EXOSC6: variants seen among roughly 807,000 people sequenced by gnomAD.
EXOSC6 encodes the protein exosome component 6.
Under a neutral mutation model 16.7 loss-of-function variants are expected in EXOSC6, and 21 were observed. The ratio of observed to expected loss-of-function variants is 1.26; its 90% CI spans 0.89 to 1.82. EXOSC6 has a LOEUF of 1.82. Among genes scored for constraint, EXOSC6 ranks in the 40% most tolerant of loss-of-function variants. The pLI, the probability that EXOSC6 is intolerant of heterozygous loss-of-function variation, is 0.00. For synonymous variants in EXOSC6, 297 were observed against 217.1 expected (o/e 1.37, Z -3.24); for missense variants, 538 against 415.7 (o/e 1.29, Z -2.56).
Position 70,251,281 on chromosome 16 carries a change from G to A in EXOSC6, c.620C>T (p.Ala207Val). The A allele has an allele frequency of 6.9e-7, 1 of 1,440,560 alleles. No homozygotes were observed. Among genetic ancestry groups the A allele is most frequent in the African/African-American group, 1.5e-5 (1 of 67,278 alleles). 89.2% of individuals were successfully genotyped at this position (1,440,560 alleles called of 1,614,324 possible). A position where few individuals can be genotyped will look rare whatever the true frequency, so the allele number is the denominator to read the frequency against. ...GAGCGCCACGGTGAGGCCGGCGGCG[G>A]CGCGCTCTTCCTCGAGCCGCGTGGG... ...LDPTRLEEER[A>V]AAGLTVALMP... Residue 207 changes from alanine to valine, a missense_variant, in exon 1 of 1, where the codon GCC (alanine) becomes GTC (valine). Transcript: ENST00000435634.
rs1384375235 is a variant in EXOSC6, at chr16:70,251,579, G to C, written c.322C>G (p.Arg108Gly). ...CDFRRAPFAGRRRRAPPGGCE... is the reference protein window; with the variant it reads ...CDFRRAPFAGGRRRAPPGGCE... ...CCGCCCGGGGGAGCGCGGCGCCGGC[G>C]GCCCGCGAAGGGTGCGCGGCGGAAG... Residue 108 changes from arginine to glycine, a missense_variant, in exon 1 of 1, where the codon CGC becomes GGC. By Grantham distance (125) the Arg-to-Gly change is moderately radical (BLOSUM62 -2). Coordinates refer to ENST00000435634, the MANE Select transcript of EXOSC6 (RefSeq NM_058219.3). 4 of 1,094,152 alleles carry C rather than the reference G, an allele frequency of 3.7e-6. No individual in the cohort carries two copies. Among genetic ancestry groups the C allele is most frequent in the Non-Finnish European group, 4.4e-6 (4 of 903,012 alleles). 67.8% of individuals were successfully genotyped at this position (1,094,152 alleles called of 1,614,324 possible). A position where few individuals can be genotyped will look rare whatever the true frequency, so the allele number is the denominator to read the frequency against.
Position 70,251,879 on chromosome 16 carries a change from T to A in EXOSC6, c.22A>T (p.Ile8Phe), listed in dbSNP as rs562015262. Residue 8 changes from isoleucine to phenylalanine, a missense_variant, in exon 1 of 1, where the codon ATC becomes TTC. By Grantham distance (21) the Ile-to-Phe change is conservative. Coordinates refer to ENST00000435634, the MANE Select transcript of EXOSC6 (RefSeq NM_058219.3). Reference sequence around the variant, plus strand: ...GGCTGCGATTCTTCAGGGCCGCGGATGCGGCGGTGATCCCCAGGCATGGCG... The same window carrying A: ...GGCTGCGATTCTTCAGGGCCGCGGAAGCGGCGGTGATCCCCAGGCATGGCG... Reference protein sequence around the residue: MPGDHRRIRGPEESQPPQ... With the variant: MPGDHRRFRGPEESQPPQ... 3 of 1,547,138 alleles carry A rather than the reference T, an allele frequency of 1.9e-6. No homozygotes were observed. The highest frequency in any genetic ancestry group is 2.3e-5 in the South Asian group (2 of 86,358).
rs983725653 is a variant in EXOSC6, at chr16:70,248,581, C to T, written c.*2501G>A. ...CTTCCCTCAAATTTTTCTCAAACCT[C>T]TATAATCAAGGGGAAAAATGTTTTG... On this transcript the variant is annotated 3_prime_UTR_variant, in exon 1 of 1. Coordinates refer to ENST00000435634, the MANE Select transcript of EXOSC6 (RefSeq NM_058219.3). 4 of 151,936 alleles carry T rather than the reference C, an allele frequency of 2.6e-5. No individual in the cohort carries two copies. Among genetic ancestry groups the T allele is most frequent in the African/African-American group, 4.8e-5 (2 of 41,342 alleles). 9.4% of individuals were successfully genotyped at this position (151,936 alleles called of 1,614,324 possible). A position where few individuals can be genotyped will look rare whatever the true frequency, so the allele number is the denominator to read the frequency against.
In EXOSC6 at chr16:70,250,877, C is replaced by G. The variant is rs1429914113; in HGVS notation, c.*205G>C. The G allele has an allele frequency of 7.6e-6, 4 of 523,012 alleles. No homozygotes were observed. The highest frequency in any genetic ancestry group is 2.0e-5 in the African/African-American group (1 of 50,244). 32.4% of individuals were successfully genotyped at this position (523,012 alleles called of 1,614,324 possible). The stretch of plus-strand genomic sequence containing the variant: ...TCCACCACAAGCGCAGCTCCAGGGG[C>G]TGTTGAGTTTTGCCTTTATCATTCC... On this transcript the variant is annotated 3_prime_UTR_variant, in exon 1 of 1. Coordinates refer to ENST00000435634, the MANE Select transcript of EXOSC6 (RefSeq NM_058219.3).
chr16:70,246,901 G>A lies in EXOSC6; in HGVS notation c.*4181C>T. 1 of 575,244 alleles carries A rather than the reference G, an allele frequency of 1.7e-6. No homozygotes were observed. The highest frequency in any genetic ancestry group is 3.3e-6 in the Non-Finnish European group (1 of 306,914). 35.6% of individuals were successfully genotyped at this position (575,244 alleles called of 1,614,324 possible). A position where few individuals can be genotyped will look rare whatever the true frequency, so the allele number is the denominator to read the frequency against. ...ACTGATTATACTCAAAGGAGCAGAG[G>A]CATTGTTTTCCATCTGATTCCTCAG... is the stretch of plus-strand genomic sequence containing the variant. On this transcript the variant is annotated 3_prime_UTR_variant, in exon 1 of 1. Coordinates refer to ENST00000435634, the MANE Select transcript of EXOSC6 (RefSeq NM_058219.3).
Position 70,251,412 on chromosome 16 carries a change from G to C in EXOSC6, c.489C>G (p.Thr163=), listed in dbSNP as rs969412851. ...DGGSALAAAL[T]AAALALADAG... ...CGTCGGCCAGGGCGAGCGCGGCGGC[G>C]GTGAGCGCGGCGGCCAGGGCCGAGC... The change falls in exon 1 of 1, where the codon ACC becomes ACG. Residue 163 remains threonine, a synonymous_variant. Transcript: ENST00000435634. The C allele has an allele frequency of 3.0e-6, 4 of 1,338,670 alleles. No homozygotes were observed. The highest frequency in any genetic ancestry group is 1.9e-5 in the South Asian group (1 of 51,568). 82.9% of individuals were successfully genotyped at this position (1,338,670 alleles called of 1,614,324 possible).
rs993431238 is a variant in EXOSC6, at chr16:70,250,145, G to C, written c.*937C>G. ...TAAAAATAATAATAATAATAATAAT[G>C]GTTTTATATATATGCATACACAAGC... is the stretch of plus-strand genomic sequence containing the variant. On this transcript the variant is annotated 3_prime_UTR_variant, in exon 1 of 1. Transcript: ENST00000435634. 8 of 149,458 alleles carry C rather than the reference G, an allele frequency of 5.4e-5. No individual in the cohort carries two copies. The highest frequency in any genetic ancestry group is 7.5e-5 in the Non-Finnish European group (5 of 67,006). The allele number at this position is 149,458 out of a possible 1,614,324, so 9.3% of individuals were successfully genotyped here.
At position 70,248,479 on chromosome 16, in the gene EXOSC6, GA is replaced by G. The variant is rs1959736617; in HGVS notation, c.*2602del. ...ATGTGAGAATTTTCACAAGAGCTGG[GA>G]AAATGTTCATAATTATGCATGCAGA... On this transcript the variant is annotated 3_prime_UTR_variant, in exon 1 of 1. Coordinates refer to ENST00000435634, the MANE Select transcript of EXOSC6 (RefSeq NM_058219.3). 6.6e-6 allele frequency: 1 copy of G among 152,108 alleles called. No homozygotes were observed. The highest frequency in any genetic ancestry group is 2.4e-5 in the African/African-American group (1 of 41,398). The allele number at this position is 152,108 out of a possible 1,614,324, so 9.4% of individuals were successfully genotyped here. A position where few individuals can be genotyped will look rare whatever the true frequency, so the allele number is the denominator to read the frequency against.
Position 70,250,981 on chromosome 16 carries a change from A to G in EXOSC6, c.*101T>C, listed in dbSNP as rs1959800667. On this transcript the variant is annotated 3_prime_UTR_variant, in exon 1 of 1. Coordinates refer to ENST00000435634, the MANE Select transcript of EXOSC6 (RefSeq NM_058219.3). ...ACCACAGTCATATCAGGGCCCTTCC[A>G]GGAATTCTCGACGCAAACTGGAGGC... 13 of 1,385,616 alleles carry G rather than the reference A, an allele frequency of 9.4e-6. No homozygotes were observed. In the South Asian group the frequency reaches 1.5e-4, roughly 16 times the overall value. The allele number at this position is 1,385,616 out of a possible 1,614,324, so 85.8% of individuals were successfully genotyped here. A position where few individuals can be genotyped will look rare whatever the true frequency, so the allele number is the denominator to read the frequency against.
At position 70,251,339 on chromosome 16, in the gene EXOSC6, C is replaced by T. The variant is rs531713550; in HGVS notation, c.562G>A (p.Ala188Thr). Residue 188 changes from alanine to threonine, a missense_variant, in exon 1 of 1, where the codon GCG becomes ACG. Ala to Thr is a moderately conservative substitution (Grantham distance 58). Coordinates refer to ENST00000435634, the MANE Select transcript of EXOSC6 (RefSeq NM_058219.3). ...DLVVGCGLSL[A>T]PGPAPTWLLD... ...AGCCAGGTGGGCGCGGGCCCCGGCG[C>T]GAGGCTGAGGCCGCAGCCCACCACC... 4.4e-5 allele frequency: 61 copies of T among 1,379,674 alleles called. No homozygotes were observed. The African/African-American group carries it at 8.7e-4, about 20-fold the overall frequency. 85.5% of individuals were successfully genotyped at this position (1,379,674 alleles called of 1,614,324 possible).
Position 70,248,572 on chromosome 16 carries a change from C to G in EXOSC6, c.*2510G>C, listed in dbSNP as rs1219947303. ...TTTCTGAATCTTCCCTCAAATTTTT[C>G]TCAAACCTCTATAATCAAGGGGAAA... On this transcript the variant is annotated 3_prime_UTR_variant, in exon 1 of 1. Coordinates refer to ENST00000435634, the MANE Select transcript of EXOSC6 (RefSeq NM_058219.3). 2.6e-5 allele frequency: 4 copies of G among 152,012 alleles called. No homozygotes were observed. The highest frequency in any genetic ancestry group is 2.0e-4 in the Admixed American group (3 of 15,260). 9.4% of individuals were successfully genotyped at this position (152,012 alleles called of 1,614,324 possible). A position where few individuals can be genotyped will look rare whatever the true frequency, so the allele number is the denominator to read the frequency against.
rs1317096478 is a variant in EXOSC6, at chr16:70,246,830, C to T, written c.*4252G>A. 15 of 570,022 alleles carry T rather than the reference C, an allele frequency of 2.6e-5. No individual in the cohort carries two copies. Among genetic ancestry groups the T allele is most frequent in the Admixed American group, 9.7e-5 (3 of 30,814 alleles). 35.3% of individuals were successfully genotyped at this position (570,022 alleles called of 1,614,324 possible). A position where few individuals can be genotyped will look rare whatever the true frequency, so the allele number is the denominator to read the frequency against. On this transcript the variant is annotated 3_prime_UTR_variant, in exon 1 of 1. Transcript: ENST00000435634. ...TTCTTCAAATATTTTAAGGTACGAA[C>T]GTCAGAAATAAAAATGCAGCATTTA...
chr16:70,251,854 G>T lies in EXOSC6; in HGVS notation c.47C>A (p.Pro16Gln). ...CTCGTCGGCCGCGTACAGCTGCGGC[G>T]GCTGCGATTCTTCAGGGCCGCGGAT... ...RRIRGPEESQPPQLYAADEEE... is the reference protein window; with the variant it reads ...RRIRGPEESQQPQLYAADEEE... Residue 16 changes from proline (P) to glutamine (Q), a missense_variant, in exon 1 of 1, where the codon CCG becomes CAG. Pro to Gln is a moderately conservative substitution (Grantham distance 76, BLOSUM62 -1). Coordinates refer to ENST00000435634, the MANE Select transcript of EXOSC6 (RefSeq NM_058219.3). 2 of 1,555,214 alleles carry T rather than the reference G, an allele frequency of 1.3e-6. No individual in the cohort carries two copies. Among genetic ancestry groups the T allele is most frequent in the Non-Finnish European group, 1.7e-6 (2 of 1,161,052 alleles).
At position 70,249,012 on chromosome 16, in the gene EXOSC6, T is replaced by C. The variant is rs1348063588; in HGVS notation, c.*2070A>G. ...ACCCAAAATAAAGCATATCAAAAACTGTAAAAAAAAAAAAAAAAAACCCTA... is the reference window on the plus strand; with the variant it reads ...ACCCAAAATAAAGCATATCAAAAACCGTAAAAAAAAAAAAAAAAAACCCTA... On this transcript the variant is annotated 3_prime_UTR_variant, in exon 1 of 1. Coordinates refer to ENST00000435634, the MANE Select transcript of EXOSC6 (RefSeq NM_058219.3). 1.7e-5 allele frequency: 2 copies of C among 117,364 alleles called. No homozygotes were observed. 7.3% of individuals were successfully genotyped at this position (117,364 alleles called of 1,614,324 possible). A position where few individuals can be genotyped will look rare whatever the true frequency, so the allele number is the denominator to read the frequency against.
In EXOSC6 at chr16:70,250,142, AATG is replaced by A. The variant is rs1235027438; in HGVS notation, c.*937_*939del. The A allele has an allele frequency of 6.9e-6, 1 of 144,196 alleles. No individual in the cohort carries two copies. Among genetic ancestry groups the A allele is most frequent in the Non-Finnish European group, 1.6e-5 (1 of 64,082 alleles). The allele number at this position is 144,196 out of a possible 1,614,324, so 8.9% of individuals were successfully genotyped here. A position where few individuals can be genotyped will look rare whatever the true frequency, so the allele number is the denominator to read the frequency against. ...AACTAAAAATAATAATAATAATAAT[AATG>A]GTTTTATATATATGCATACACAAGC... On this transcript the variant is annotated 3_prime_UTR_variant, in exon 1 of 1. Coordinates refer to ENST00000435634, the MANE Select transcript of EXOSC6 (RefSeq NM_058219.3).
At position 70,251,872 on chromosome 16, in the gene EXOSC6, C is replaced by A. The variant is rs775215603; in HGVS notation, c.29G>T (p.Gly10Val). MPGDHRRIR[G>V]PEESQPPQLY... ...CTGCGGCGGCTGCGATTCTTCAGGGCCGCGGATGCGGCGGTGATCCCCAGG... is the reference window on the plus strand; with the variant it reads ...CTGCGGCGGCTGCGATTCTTCAGGGACGCGGATGCGGCGGTGATCCCCAGG... The change falls in exon 1 of 1, where the codon GGC (glycine) becomes GTC (valine). Residue 10 changes from glycine to valine, a missense_variant. By Grantham distance (109) the Gly-to-Val change is moderately radical (BLOSUM62 -3). Coordinates refer to ENST00000435634, the MANE Select transcript of EXOSC6 (RefSeq NM_058219.3). 2 of 1,550,448 alleles carry A rather than the reference C, an allele frequency of 1.3e-6. No homozygotes were observed. Among genetic ancestry groups the A allele is most frequent in the African/African-American group, 2.8e-5 (2 of 70,872 alleles).
chr16:70,251,939 C>T lies in EXOSC6; in HGVS notation c.-39G>A. 2 of 1,443,812 alleles carry T rather than the reference C, an allele frequency of 1.4e-6. No homozygotes were observed. Among genetic ancestry groups the T allele is most frequent in the Non-Finnish European group, 9.0e-7 (1 of 1,108,664 alleles). 89.4% of individuals were successfully genotyped at this position (1,443,812 alleles called of 1,614,324 possible). On this transcript the variant is annotated 5_prime_UTR_variant, in exon 1 of 1. Transcript: ENST00000435634. ...GTGCGAACCCCTTCCGCCCAACGCC[C>T]TGCCGCATCCACTGGTTCTTCCGTT...
chr16:70,251,543 G>C lies in EXOSC6; in HGVS notation c.358C>G (p.Arg120Gly). 8.3e-7 allele frequency: 1 copy of C among 1,204,564 alleles called. No homozygotes were observed. The highest frequency in any genetic ancestry group is 1.0e-6 in the Non-Finnish European group (1 of 969,522). 74.6% of individuals were successfully genotyped at this position (1,204,564 alleles called of 1,614,324 possible). A position where few individuals can be genotyped will look rare whatever the true frequency, so the allele number is the denominator to read the frequency against. The change falls in exon 1 of 1, where the codon CGT becomes GGT. Residue 120 changes from arginine (R) to glycine (G), a missense_variant. Arg to Gly is a moderately radical substitution (Grantham distance 125). Transcript: ENST00000435634. The stretch of plus-strand genomic sequence containing the variant: ...TCCTGCAGCGCCAGCGCCAGCTCAC[G>C]CTCCTCGCAGCCGCCCGGGGGAGCG... ...RRAPPGGCEERELALALQEAL... is the reference protein window; with the variant it reads ...RRAPPGGCEEGELALALQEAL...
At position 70,249,784 on chromosome 16, in the gene EXOSC6, C is replaced by G. The variant is rs1959765728; in HGVS notation, c.*1298G>C. 3 of 152,004 alleles carry G rather than the reference C, an allele frequency of 2.0e-5. No homozygotes were observed. The highest frequency in any genetic ancestry group is 4.2e-4 in the South Asian group (2 of 4,818). The allele number at this position is 152,004 out of a possible 1,614,324, so 9.4% of individuals were successfully genotyped here. On this transcript the variant is annotated 3_prime_UTR_variant, in exon 1 of 1. Transcript: ENST00000435634. ...GGCCAACATGATGAAACCCCATCTT[C>G]TCTAAAAATACAAAAAGTTAGCTGG...
Sources: gnomAD v4.1 joint callset for allele counts on GRCh38, gnomAD v4.1.1 for gene constraint, MANE v1.5 for transcripts, NCBI Gene and HGNC (gene_info 2026-07-23, HGNC 2026-07-21) for gene names.